Variants in CATSPERE observed in about 807,000 individuals in gnomAD.
CATSPERE encodes the protein cation channel sperm-associated auxiliary subunit epsilon.
A neutral mutation model predicts 114.1 loss-of-function variants in CATSPERE; 93 were observed. The observed-to-expected ratio is 0.81, with a 90% CI of 0.69 to 0.97. The LOEUF is 0.97. Ranked by LOEUF, CATSPERE falls within the 50% of genes least tolerant of loss-of-function variation. The pLI is 0.00. For synonymous variants in CATSPERE, 341 were observed against 384.1 expected, an observed-to-expected ratio of 0.89 and a Z score of 1.31; for missense variants, 1,058 against 1,131.6, an observed-to-expected ratio of 0.93 and a Z score of 0.93.
intron 20 of CATSPERE, among the ~76,000 whole-genome samples, chr1:244,632,223 G>A (rs1376731257): frequency 2.6e-5 from 4 of 151,848 alleles, no homozygotes; most frequent in East Asian, 1.9e-4. Flanking sequence ...GTGAAACCCC[G>A]TCTCTGCTAA....
At chr1:244,599,699 CCT>C (rs1668919386) in intron 17 of CATSPERE, among the ~76,000 whole-genome samples, 1 of 152,200 alleles carries the variant, frequency 6.6e-6, no homozygotes, top group Non-Finnish European at 1.5e-5. Context: ...TGATTTTCTG[CCT>C]CTGTTACCTT....
chr1:244,501,121 C>T (rs1673974742), intron 7 of CATSPERE, among the ~76,000 whole-genome samples: 1 of 152,096 alleles, frequency 6.6e-6, no homozygotes, highest in Admixed American at 6.6e-5. Flanking sequence ...AATGGGAGTT[C>T]ACTCATGATT....
At chr1:244,613,676 T>C (rs1309216643) in intron 19 of CATSPERE, among the ~76,000 whole-genome samples, 2 of 152,238 alleles carry the variant, frequency 1.3e-5, no homozygotes, top group Non-Finnish European at 2.9e-5. Flanking sequence ...CTCCTGAACC[T>C]GGCCTTTTAT....
At chr1:244,571,401 T>C (rs982939363) in intron 10 of CATSPERE, among the ~76,000 whole-genome samples, 11 of 152,222 alleles carry the variant, frequency 7.2e-5, no homozygotes, top group African/African-American at 2.7e-4. Context: ...GAGAATGTCA[T>C]ATCTTGAAAG....
chr1:244,621,038 A>C (rs1242261589), intron 20 of CATSPERE, among the ~76,000 whole-genome samples: 1 of 74,394 alleles, frequency 1.3e-5, no homozygotes, highest in Non-Finnish European at 2.4e-5. Flanking sequence ...AATATATATA[A>C]AATATATATA....
At position 244,510,835 on chromosome 1, in the gene CATSPERE, C is replaced by CTTTTTTTTTTTTTTTTTTTTTT. The variant is rs747921082; in HGVS notation, c.430-7753_430-7732dup. ...TTCTTTTTTTTTTCTTTTTCTTTTT[C>CTTTTTTTTTTTTTTTTTTTTTT]TTTTTTTTTTTTTTTTTTTTTTTTT... is the stretch of plus-strand genomic sequence containing the variant. On this transcript the variant is annotated intron_variant, in intron 7 of 21. Transcript: ENST00000366534. 1.3e-3 allele frequency among the ~76,000 whole-genome samples: 64 copies of CTTTTTTTTTTTTTTTTTTTTTT among 48,354 alleles called. 1 individual carries two copies. Among genetic ancestry groups the CTTTTTTTTTTTTTTTTTTTTTT allele is most frequent in the Non-Finnish European group, 1.9e-3 (47 of 25,032 alleles). 31.7% of individuals were successfully genotyped at this position (48,354 alleles called of 152,430 possible). A position where few individuals can be genotyped will look rare whatever the true frequency, so the allele number is the denominator to read the frequency against.
chr1:244,572,655 C>T lies in CATSPERE; in HGVS notation c.1833C>T (p.Ile611=), dbSNP rs907789877. The T allele has an allele frequency of 3.9e-5, 63 of 1,613,804 alleles. No homozygotes were observed. The highest frequency in any genetic ancestry group is 5.1e-5 in the Non-Finnish European group (60 of 1,179,862). Reference sequence around the variant, plus strand: ...AGGCTCTGACAGTTTGGACTCAGATCGTCTATCCAGAAAACACTGGTCTGT... The same window carrying T: ...AGGCTCTGACAGTTTGGACTCAGATTGTCTATCCAGAAAACACTGGTCTGT... ...KGEALTVWTQ[I]VYPENTGLYV... is the part of the protein sequence containing the mutation. Residue 611 remains isoleucine, a synonymous_variant, in exon 11 of 22, where the codon ATC becomes ATT. Coordinates refer to ENST00000366534, the MANE Select transcript of CATSPERE (RefSeq NM_001130957.2).
chr1:244,554,902 A>T (rs1405053570), intron 9 of CATSPERE, among the ~76,000 whole-genome samples: 1 of 152,204 alleles, frequency 6.6e-6, no homozygotes, highest in African/African-American at 2.4e-5. Context: ...ATTCTAGCAA[A>T]CTGAATCAAA....
At position 244,469,502 on chromosome 1, in the gene CATSPERE, G is replaced by A. The variant is rs1361134037; in HGVS notation, c.114+5546G>A. Among the ~76,000 whole-genome samples the A allele has an allele frequency of 3.9e-5, 6 of 152,110 alleles. No homozygotes were observed. In the East Asian group the frequency reaches 1.2e-3, roughly 29 times the overall value. On this transcript the variant is annotated intron_variant, in intron 2 of 21. Transcript: ENST00000366534. ...TTCAGTGTGTACCTTTAAATGATAA[G>A]ACTCTTTTTAAAAATGACCAGAGCC...
At chr1:244,518,535 A>G (rs992627415) in intron 7 of CATSPERE, 57 bp from the exon 8 acceptor site, 2 of 1,082,206 alleles carry the variant, frequency 1.8e-6, no homozygotes, top group Non-Finnish European at 2.8e-6. Context: ...CTGATGTCAC[A>G]TCAAAATACT....
intron 7 of CATSPERE, chr1:244,515,265 C>G (rs1011578129): frequency 1.1e-6 from 1 of 898,592 alleles, no homozygotes; most frequent in Non-Finnish European, 1.3e-6. Flanking sequence ...AACTGTTGTT[C>G]CTTCTGTCTA....
At chr1:244,621,738 C>A (rs3000685) in intron 20 of CATSPERE, among the ~76,000 whole-genome samples, 117,597 of 151,992 alleles carry the variant, frequency 0.77, 46,256 homozygotes, top group East Asian at 0.87. Flanking sequence ...TGATGAAAGA[C>A]CAAGAAACTA....
At chr1:244,451,590 C>G (rs1186866121), upstream of CATSPERE, 1 of 1,560,538 alleles carries the variant, frequency 6.4e-7, no homozygotes, top group Admixed American at 1.9e-5. The surrounding 1 kb of genome is among the most constrained non-coding windows in gnomAD (Gnocchi z 6.6). Context: ...CCAGGCAGCC[C>G]GAGCTCCCGG....
rs566277401 is a variant in CATSPERE at position 244,536,587 on chromosome 1, C to A, written c.537-15735C>A. On this transcript the variant is annotated intron_variant, in intron 8 of 21. Coordinates refer to ENST00000366534, the MANE Select transcript of CATSPERE (RefSeq NM_001130957.2). ...CCCACAATCACTGCACTCTGTCTCC[C>A]CAAAGCACACAGATTCGTTGTCTGC... Among the ~76,000 whole-genome samples, 33 of 152,290 alleles carry A rather than the reference C, an allele frequency of 2.2e-4. No individual in the cohort carries two copies. The Middle Eastern group carries it at 0.01, about 47-fold the overall frequency.
At position 244,552,503 on chromosome 1, in the gene CATSPERE, A is replaced by G. The variant is rs749112622; in HGVS notation, c.718A>G (p.Met240Val). ...CTCCTCACCACGTGGTAGTCAATTAATGGCTTCCTGGGATGCTTGTGTAGT... is the reference window on the plus strand; with the variant it reads ...CTCCTCACCACGTGGTAGTCAATTAGTGGCTTCCTGGGATGCTTGTGTAGT... ...PISSPRGSQL[M>V]ASWDACVVAS... is the part of the protein sequence containing the mutation. The change falls in exon 9 of 22, where the codon ATG (methionine) becomes GTG (valine). Residue 240 changes from methionine (M) to valine (V), a missense_variant. By Grantham distance (21) the Met-to-Val change is conservative (BLOSUM62 1). Around this residue, in one of 2 missense-constraint regions of CATSPERE, gnomAD observed 787 missense variants for 905.6 expected, o/e 0.87. Coordinates refer to ENST00000366534, the MANE Select transcript of CATSPERE (RefSeq NM_001130957.2). The G allele has an allele frequency of 5.0e-6, 8 of 1,614,068 alleles. No homozygotes were observed. Among genetic ancestry groups the G allele is most frequent in the Non-Finnish European group, 5.9e-6 (7 of 1,180,044 alleles).
At chr1:244,618,456 A>AT (rs1671670390) in intron 20 of CATSPERE, among the ~76,000 whole-genome samples, 1 of 152,214 alleles carries the variant, frequency 6.6e-6, no homozygotes, top group Admixed American at 6.5e-5. Flanking sequence ...TTCTAGGGAA[A>AT]TTAGCCTGAG....
chr1:244,569,501 G>T (rs1342250729), intron 10 of CATSPERE, among the ~76,000 whole-genome samples: 1 of 152,122 alleles, frequency 6.6e-6, no homozygotes, highest in Non-Finnish European at 1.5e-5. Flanking sequence ...TTTCTCTAGT[G>T]TGTAACTTCC....
At chr1:244,624,674 C>T (rs932027169) in intron 20 of CATSPERE, among the ~76,000 whole-genome samples, 2 of 151,864 alleles carry the variant, frequency 1.3e-5, no homozygotes, top group Admixed American at 1.3e-4. Context: ...TGGTGATGGG[C>T]GCCTGTAGTC....
chr1:244,514,673 C>CA (rs1481737602), intron 7 of CATSPERE, among the ~76,000 whole-genome samples: 26 of 151,622 alleles, frequency 1.7e-4, no homozygotes, highest in Non-Finnish European at 2.9e-4. Context: ...ACTAAAAATA[C>CA]AAAAAATTAG....
Sources: gnomAD v4.1 joint callset for allele counts (sites outside exome capture counted in the v4.1 genomes callset) on GRCh38, gnomAD v4.1.1 for gene constraint, gnomAD v4.1.1 regional missense constraint, Gnocchi (gnomAD v3.1) non-coding constraint, MANE v1.5 for transcripts, NCBI Gene and HGNC (gene_info 2026-07-23, HGNC 2026-07-21) for gene names.